PCDHA4: variants seen among roughly 807,000 people sequenced by gnomAD.
The protein encoded by PCDHA4 is protocadherin alpha-4.
In PCDHA4, 49 loss-of-function variants were observed where a neutral mutation model predicts 61.4. That is an observed-to-expected ratio of 0.80 (90% CI 0.63 to 1.01). The LOEUF is 1.01. Ranked by LOEUF, PCDHA4 falls within the 50% of genes least tolerant of loss-of-function variation. PCDHA4 has a pLI of 0.00. For missense variants in PCDHA4, 1,254 were observed against 1,235.8 expected (o/e 1.01, Z -0.22); for synonymous variants, 590 against 550.3 (o/e 1.07, Z -1.01).
In PCDHA4 at chr5:140,876,482, T is replaced by G. The variant is rs372044061; in HGVS notation, c.2385+66910T>G. The G allele has an allele frequency of 1.8e-4, 291 of 1,613,904 alleles. No individual in the cohort carries two copies. The highest frequency in any genetic ancestry group is 2.4e-4 in the Non-Finnish European group (285 of 1,179,894). On this transcript the variant is annotated intron_variant, in intron 1 of 3. Transcript: ENST00000530339. The stretch of plus-strand genomic sequence containing the variant: ...TCCATGGCAGGTCACAGCATGGTCC[T>G]GGTGGAAGTTCTGGACGTGAATGAC...
chr5:140,885,566 G>T (rs190303990), intron 1 of PCDHA4, among the ~76,000 whole-genome samples: 3 of 152,162 alleles, frequency 2.0e-5, no homozygotes, highest in South Asian at 4.2e-4. Flanking sequence ...GAAATTGATT[G>T]TCAGATGTGG....
chr5:140,807,737 C>T lies in PCDHA4; in HGVS notation c.550C>T (p.Pro184Ser), dbSNP rs3822346. ...PNEYFSLEKP[P>S]DDELVKGLGL... is the part of the protein sequence containing the mutation. ...TGAATACTTTTCTCTGGAAAAACCA[C>T]CTGATGACGAGCTGGTAAAAGGTCT... The change falls in exon 1 of 4, where the codon CCT (proline) becomes TCT (serine). Residue 184 changes from proline (P) to serine (S), a missense_variant. Pro to Ser is a moderately conservative substitution (Grantham distance 74). Transcript: ENST00000530339. The T allele has an allele frequency of 0.54, 868,815 of 1,613,860 alleles. 235,594 individuals are homozygous for T. Among genetic ancestry groups the T allele is most frequent in the African/African-American group, 0.7 (52,524 of 74,894 alleles).
intron 1 of PCDHA4, among the ~76,000 whole-genome samples, chr5:140,964,412 GC>G (rs1330052602): frequency 7.9e-5 from 12 of 152,126 alleles, no homozygotes; most frequent in African/African-American, 2.9e-4. Flanking sequence ...ACATTTGGGG[GC>G]TTCCATTAAA....
intron 1 of PCDHA4, chr5:140,841,073 G>A: frequency 2.0e-6 from 1 of 498,500 alleles, no homozygotes; most frequent in East Asian, 3.4e-5. Context: ...TAAAGAAATA[G>A]AAAGTGCATA....
chr5:140,818,377 G>C (rs2150101074), intron 1 of PCDHA4, among the ~76,000 whole-genome samples: 27 of 152,086 alleles, frequency 1.8e-4, no homozygotes, highest in Non-Finnish European at 3.4e-4. Context: ...AACTTGAATC[G>C]TGGCATTTTT....
chr5:140,829,328 C>A (rs782173510), intron 1 of PCDHA4: 1 of 1,614,244 alleles, frequency 6.2e-7, no homozygotes, highest in East Asian at 2.2e-5. Context: ...GGACAGTGCC[C>A]TGGACCGCGA....
At chr5:140,821,958 C>T (rs1322134244) in intron 1 of PCDHA4, 1 of 1,614,038 alleles carries the variant, frequency 6.2e-7, no homozygotes, top group Non-Finnish European at 8.5e-7. Context: ...TGGTGCCGCG[C>T]CTGTTCCGGG....
chr5:140,927,901 G>A lies in PCDHA4; in HGVS notation c.2386-51048G>A, dbSNP rs370478984. On this transcript the variant is annotated intron_variant, in intron 1 of 3. Transcript: ENST00000530339. ...GGAGGTGACTGACGTGAACGATCAT[G>A]CCCCCGAACTGGACTTCCTGACTCT... The A allele has an allele frequency of 6.2e-6, 10 of 1,614,084 alleles. No individual in the cohort carries two copies. Among genetic ancestry groups the A allele is most frequent in the Non-Finnish European group, 8.5e-6 (10 of 1,180,046 alleles).
intron 1 of PCDHA4, chr5:140,821,792 G>A: frequency 6.2e-7 from 1 of 1,612,576 alleles, no homozygotes; most frequent in Non-Finnish European, 8.5e-7. Flanking sequence ...TATTCCCGGA[G>A]AGGAAGTCTG....
intron 2 of PCDHA4, among the ~76,000 whole-genome samples, chr5:140,979,231 C>T (rs1203154373): frequency 6.6e-6 from 1 of 152,186 alleles, no homozygotes; most frequent in Non-Finnish European, 1.5e-5. Context: ...TCTGTAAAAT[C>T]ACAGAAACAG....
chr5:140,823,742 C>T (rs1767853747), intron 1 of PCDHA4: 2 of 1,613,716 alleles, frequency 1.2e-6, no homozygotes, highest in Non-Finnish European at 1.7e-6. Context: ...CATGGAGAGC[C>T]CCCGCTGACA....
At chr5:140,968,965 C>T in intron 1 of PCDHA4, 1 of 1,614,208 alleles carries the variant, frequency 6.2e-7, no homozygotes, top group Non-Finnish European at 8.5e-7. Context: ...AGTGCTACCG[C>T]TACACTGCGT....
chr5:140,945,496 A>G (rs2093798194), intron 1 of PCDHA4, among the ~76,000 whole-genome samples: 1 of 152,142 alleles, frequency 6.6e-6, no homozygotes, highest in South Asian at 2.1e-4. Context: ...TACCCAAAGC[A>G]ATATTGAGCA....
intron 1 of PCDHA4, chr5:140,843,355 G>T (rs1554139992): frequency 1.9e-6 from 3 of 1,596,010 alleles, no homozygotes; most frequent in Admixed American, 1.7e-5. Context: ...CTCCAAAAGC[G>T]TCATCGAGGC....
At chr5:140,979,051 G>C in intron 2 of PCDHA4, 44 bp downstream of exon 2, 1 of 1,609,534 alleles carries the variant, frequency 6.2e-7, no homozygotes, top group East Asian at 2.2e-5. Flanking sequence ...ACCTTAACTT[G>C]GTATGGCTCA....
At chr5:140,900,477 A>G (rs2068076560) in intron 1 of PCDHA4, among the ~76,000 whole-genome samples, 1 of 152,290 alleles carries the variant, frequency 6.6e-6, no homozygotes, top group Non-Finnish European at 1.5e-5. Flanking sequence ...GAGTTTCTCC[A>G]TGTTGGTCAG....
chr5:140,897,304 G>A (rs1297881439), intron 1 of PCDHA4, among the ~76,000 whole-genome samples: 1 of 150,768 alleles, frequency 6.6e-6, no homozygotes, highest in Non-Finnish European at 1.5e-5. Flanking sequence ...TTTAGCATTA[G>A]GTATATCTCC....
rs1554217734 is a variant in PCDHA4, at chr5:140,946,611, A to AATATATATATATATAT, written c.2386-32332_2386-32317dup. Among the ~76,000 whole-genome samples, 269 of 86,770 alleles carry AATATATATATATATAT rather than the reference A, an allele frequency of 3.1e-3. 3 individuals carry two copies. The highest frequency in any genetic ancestry group is 0.011 in the Middle Eastern group (2 of 186). 56.9% of individuals were successfully genotyped at this position (86,770 alleles called of 152,430 possible). A position where few individuals can be genotyped will look rare whatever the true frequency, so the allele number is the denominator to read the frequency against. On this transcript the variant is annotated intron_variant, in intron 1 of 3. Coordinates refer to ENST00000530339, the MANE Select transcript of PCDHA4 (RefSeq NM_018907.4). ...GGATGAATAGATAAAGAAAATGTGAAATATATATATATATATATATACAAT... is the reference window on the plus strand; with the variant it reads ...GGATGAATAGATAAAGAAAATGTGAAATATATATATATATATATATATATATATATATATATACAAT...
In PCDHA4 at chr5:140,911,791, C is replaced by G. The variant is rs567528220; in HGVS notation, c.2386-67158C>G. 3.9e-5 allele frequency among the ~76,000 whole-genome samples: 6 copies of G among 152,230 alleles called. No homozygotes were observed. The East Asian group carries it at 9.6e-4, about 24-fold the overall frequency. ...AGTACAGTCCTTAGCATTTTTGGGT[C>G]TAATCATATTAAGCAGCCTTCTCCA... On this transcript the variant is annotated intron_variant, in intron 1 of 3. Transcript: ENST00000530339.
Sources: allele counts gnomAD v4.1 joint callset (sites outside exome capture counted in the v4.1 genomes callset), GRCh38; gene constraint gnomAD v4.1.1; transcripts MANE v1.5; gene names NCBI Gene and HGNC (gene_info 2026-07-23, HGNC 2026-07-21).